Variants in CFAP251 observed in about 807,000 individuals in gnomAD.
The protein encoded by CFAP251 is cilia and flagella associated protein 251, also known as cilia- and flagella-associated protein 251.
Under a neutral mutation model 126.7 loss-of-function variants are expected in CFAP251, and 93 were observed. That is an observed-to-expected ratio of 0.73 (90% confidence interval 0.62 to 0.87). CFAP251 has a LOEUF of 0.87. CFAP251 is among the 40% of genes least tolerant of loss of function. CFAP251 has a pLI of 0.00. For missense variants in CFAP251, 1,287 were observed against 1,389.2 expected, an observed-to-expected ratio of 0.93 and a Z score of 1.17; for synonymous variants, 503 against 506.9, an observed-to-expected ratio of 0.99 and a Z score of 0.10.
intron 15 of CFAP251, among the ~76,000 whole-genome samples, chr12:121,963,685 G>T (rs954747959): frequency 1.6e-4 from 24 of 148,990 alleles, no homozygotes; most frequent in African/African-American, 5.2e-4. Context: ...TGACGATTGT[G>T]CCTCGAGTAC....
rs747330005 is a variant in CFAP251, at chr12:121,934,251, A to G, written c.893A>G (p.His298Arg). The change falls in exon 5 of 22, where the codon CAC becomes CGC. Residue 298 changes from histidine (H) to arginine (R), a missense_variant. By Grantham distance (29) the His-to-Arg change is conservative. Transcript: ENST00000288912. The part of the protein sequence containing the change: ...FRNNQYHLQG[H>R]ANIISCLCVS... ...GTTTTCTCTCCATTTCCATAGGGCC[A>G]CGCCAATATTATCTCCTGCCTCTGC... 1 of 1,613,508 alleles carries G rather than the reference A, an allele frequency of 6.2e-7. No individual in the cohort carries two copies. The highest frequency in any genetic ancestry group is 8.5e-7 in the Non-Finnish European group (1 of 1,179,778).
intron 5 of CFAP251, among the ~76,000 whole-genome samples, chr12:121,936,953 G>T (rs1396281310): frequency 1.3e-5 from 2 of 152,240 alleles, no homozygotes; most frequent in African/African-American, 4.8e-5. Flanking sequence ...GTGAGTGTGG[G>T]CTCTGGCGTC....
At chr12:121,942,163 A>G (rs1333756175) in intron 5 of CFAP251, among the ~76,000 whole-genome samples, 3 of 152,104 alleles carry the variant, frequency 2.0e-5, no homozygotes, top group African/African-American at 7.2e-5. Context: ...CATTTAATAC[A>G]TTTACACTCT....
intron 8 of CFAP251, chr12:121,951,171 A>T (rs1043089397): frequency 5.3e-6 from 1 of 189,824 alleles, no homozygotes; most frequent in African/African-American, 2.3e-5. Flanking sequence ...CCGTGAGCTG[A>T]GATCGCGCCA....
At chr12:121,953,728 T>A (rs1881613686) in intron 9 of CFAP251, 1 of 189,554 alleles carries the variant, frequency 5.3e-6, no homozygotes, top group African/African-American at 2.4e-5. Flanking sequence ...AAATACCTTA[T>A]GATAAAAGGA....
chr12:121,958,426 A>G lies in CFAP251; in HGVS notation c.1885A>G (p.Met629Val). ...CATTGCCATCGGGAGCATCTGTGGG[A>G]TGATCAAAGTGTGGAATTATGAAAA... ...PLIAIGSICG[M>V]IKVWNYENKQ... The change falls in exon 12 of 22, where the codon ATG becomes GTG. Residue 629 changes from methionine to valine, a missense_variant. By Grantham distance (21) the Met-to-Val change is conservative. Coordinates refer to ENST00000288912, the MANE Select transcript of CFAP251 (RefSeq NM_144668.6). The G allele has an allele frequency of 6.2e-7, 1 of 1,614,226 alleles. No individual in the cohort carries two copies. The highest frequency in any genetic ancestry group is 8.5e-7 in the Non-Finnish European group (1 of 1,180,032).
chr12:121,970,247 G>A (rs997282785), intron 17 of CFAP251, among the ~76,000 whole-genome samples: 1 of 152,022 alleles, frequency 6.6e-6, no homozygotes, highest in African/African-American at 2.4e-5. Flanking sequence ...CCTGCTCCGT[G>A]CTAGCATGCA....
chr12:121,925,359 C>T (rs894979311), intron 3 of CFAP251, among the ~76,000 whole-genome samples: 1 of 151,358 alleles, frequency 6.6e-6, no homozygotes, highest in Non-Finnish European at 1.5e-5. Context: ...TAGGATTCAT[C>T]CTTCCTGTAG....
In CFAP251 at chr12:121,992,378, G is replaced by C. The variant is rs1444993188; in HGVS notation, c.3007-7338G>C. 15 of 985,228 alleles carry C rather than the reference G, an allele frequency of 1.5e-5. No homozygotes were observed. In the South Asian group the frequency reaches 5.2e-4, roughly 34 times the overall value. The allele number at this position is 985,228 out of a possible 1,614,324, so 61.0% of individuals were successfully genotyped here. ...AGTAGTGATTCTTGATCAGTCATAC[G>C]GGAAGAGAGAGTAAGAGGTGAATCA... On this transcript the variant is annotated intron_variant, in intron 19 of 21. Coordinates refer to ENST00000288912, the MANE Select transcript of CFAP251 (RefSeq NM_144668.6).
At chr12:121,969,204 T>C in intron 17 of CFAP251, 3 of 985,430 alleles carry the variant, frequency 3.0e-6, no homozygotes, top group South Asian at 9.4e-5. Flanking sequence ...ATGGCAGATA[T>C]TGAAGCTTCT....
intron 14 of CFAP251, 79 bp downstream of exon 14, chr12:121,960,837 G>T: frequency 6.7e-7 from 1 of 1,502,450 alleles, no homozygotes; most frequent in South Asian, 1.2e-5. Context: ...CTTGCATAGA[G>T]CCAGGCCCAC....
chr12:121,937,104 C>A (rs1880924992), intron 5 of CFAP251, among the ~76,000 whole-genome samples: 1 of 152,216 alleles, frequency 6.6e-6, no homozygotes, highest in African/African-American at 2.4e-5. Context: ...TAACAAATTA[C>A]CTCAAACGAT....
At position 121,989,760 on chromosome 12, in the gene CFAP251, C is replaced by G. The variant is rs1482465552; in HGVS notation, c.3007-9956C>G. ...CTCCCAGTCCTACTGGTCCATGAAA[C>G]CATTAGAAAAGCAAACCTGCCCCCA... is the stretch of plus-strand genomic sequence containing the variant. On this transcript the variant is annotated intron_variant, in intron 19 of 21. Coordinates refer to ENST00000288912, the MANE Select transcript of CFAP251 (RefSeq NM_144668.6). The surrounding 1 kb of genome is among the most constrained non-coding windows in gnomAD (Gnocchi z 4.2). Among the ~76,000 whole-genome samples the G allele has an allele frequency of 6.6e-6, 1 of 152,066 alleles. No homozygotes were observed. Among genetic ancestry groups the G allele is most frequent in the African/African-American group, 2.4e-5 (1 of 41,390 alleles).
At chr12:121,928,655 TAC>T (rs1565902624) in intron 3 of CFAP251, among the ~76,000 whole-genome samples, 14 of 31,422 alleles carry the variant, frequency 4.5e-4, no homozygotes, top group South Asian at 2.5e-3. Flanking sequence ...TATATATATA[TAC>T]GTATATATAT....
At chr12:121,991,168 C>A (rs530535890) in intron 19 of CFAP251, among the ~76,000 whole-genome samples, 38 of 152,304 alleles carry the variant, frequency 2.5e-4, no homozygotes, top group African/African-American at 9.1e-4. Flanking sequence ...ATCATTCATT[C>A]ATTCATCCAT....
At chr12:121,958,677 T>G (rs1345235806) in intron 12 of CFAP251, among the ~76,000 whole-genome samples, 155 bp downstream of exon 12, 1 of 152,020 alleles carries the variant, frequency 6.6e-6, no homozygotes, top group Non-Finnish European at 1.5e-5. Flanking sequence ...CGTGGTGTTC[T>G]GGGCCTATCT....
At chr12:121,976,766 C>G (rs1416279641) in intron 19 of CFAP251, among the ~76,000 whole-genome samples, 4 of 151,888 alleles carry the variant, frequency 2.6e-5, no homozygotes, top group Non-Finnish European at 4.4e-5. Context: ...AAAAATTGCC[C>G]GGTGTGGTGG....
chr12:121,964,019 C>T (rs1175240327), intron 15 of CFAP251, among the ~76,000 whole-genome samples: 1 of 152,132 alleles, frequency 6.6e-6, no homozygotes, highest in African/African-American at 2.4e-5. Context: ...ACCACTGCCA[C>T]TGCCACCACC....
At chr12:121,990,157 G>A (rs1024999385) in intron 19 of CFAP251, among the ~76,000 whole-genome samples, 1 of 152,198 alleles carries the variant, frequency 6.6e-6, no homozygotes, top group Non-Finnish European at 1.5e-5. Context: ...AACATGAGCT[G>A]ATTCAAAGTT....
Sources: gnomAD v4.1 joint callset for allele counts (sites outside exome capture counted in the v4.1 genomes callset) on GRCh38, gnomAD v4.1.1 for gene constraint, Gnocchi (gnomAD v3.1) non-coding constraint, MANE v1.5 for transcripts, NCBI Gene and HGNC (gene_info 2026-07-23, HGNC 2026-07-21) for gene names.